The following CDH12 variants were observed in gnomAD, a reference collection of about 807,000 sequenced individuals.
The protein encoded by CDH12 is cadherin 12, also known as cadherin-12.
A neutral mutation model predicts 74.1 loss-of-function variants in CDH12; 41 were observed. The observed-to-expected ratio is 0.55, with a 90% CI of 0.43 to 0.72. The LOEUF is 0.72. CDH12 is among the 30% of genes least tolerant of loss of function. CDH12 has a pLI of 0.00. For synonymous variants in CDH12, 399 were observed against 355.0 expected (o/e 1.12, Z -1.39); for missense variants, 945 against 977.2 (o/e 0.97, Z 0.44).
intron 1 of CDH12, among the ~76,000 whole-genome samples, chr5:22,611,793 T>A (rs1375279375): frequency 1.3e-5 from 2 of 151,984 alleles, no homozygotes; most frequent in East Asian, 3.9e-4. Flanking sequence ...CAGAGTGCAG[T>A]TGGTTTAGCT....
intron 5 of CDH12, among the ~76,000 whole-genome samples, chr5:22,054,466 T>C (rs1046534131): frequency 2.6e-5 from 4 of 152,144 alleles, no homozygotes; most frequent in African/African-American, 9.7e-5. Context: ...TCAGGCTTTT[T>C]CTTAGTTCTT....
At chr5:22,761,464 A>G (rs1330176217) in intron 1 of CDH12, among the ~76,000 whole-genome samples, 1 of 152,168 alleles carries the variant, frequency 6.6e-6, no homozygotes, top group East Asian at 1.9e-4. Flanking sequence ...TTTCATAATC[A>G]CAAGTAAATG....
chr5:22,686,711 G>C (rs1027283049), intron 1 of CDH12, among the ~76,000 whole-genome samples: 1 of 152,088 alleles, frequency 6.6e-6, no homozygotes, highest in Non-Finnish European at 1.5e-5. Flanking sequence ...AAAGTGCCTC[G>C]TTCACTGAGT....
chr5:22,544,352 C>T (rs1316022646), intron 1 of CDH12, among the ~76,000 whole-genome samples: 1 of 152,046 alleles, frequency 6.6e-6, no homozygotes, highest in Non-Finnish European at 1.5e-5. Context: ...ATTATTTGTC[C>T]ACTAACTTCA....
chr5:21,950,765 TATTATTA>T (rs1755819766), intron 6 of CDH12, among the ~76,000 whole-genome samples: 1 of 89,822 alleles, frequency 1.1e-5, no homozygotes, highest in Non-Finnish European at 2.0e-5. Flanking sequence ...ATTTTATTAT[TATTATTA>T]TTATTATTAT....
At chr5:22,000,850 G>A (rs987525534) in intron 5 of CDH12, among the ~76,000 whole-genome samples, 27 of 151,388 alleles carry the variant, frequency 1.8e-4, no homozygotes, top group Admixed American at 1.6e-3. Flanking sequence ...TATTCAGCTC[G>A]AAAAAAAGCC....
chr5:21,989,701 A>T (rs1757667977), intron 5 of CDH12, among the ~76,000 whole-genome samples: 1 of 152,234 alleles, frequency 6.6e-6, no homozygotes, highest in Non-Finnish European at 1.5e-5. Flanking sequence ...ACTTTAACAC[A>T]TTATGTTTAA....
intron 2 of CDH12, among the ~76,000 whole-genome samples, chr5:22,419,305 C>T (rs76807796): frequency 2.2e-3 from 333 of 152,204 alleles, no homozygotes; most frequent in African/African-American, 7.7e-3. Flanking sequence ...GATCTCCCTT[C>T]CCCTGCACCC....
chr5:22,577,776 G>A (rs1739867043), intron 1 of CDH12, among the ~76,000 whole-genome samples: 1 of 151,724 alleles, frequency 6.6e-6, no homozygotes, highest in Non-Finnish European at 1.5e-5. Context: ...CTATTGTTCA[G>A]CAGCATCTAC....
chr5:22,775,018 A>G (rs984755723), intron 1 of CDH12, among the ~76,000 whole-genome samples: 2 of 151,350 alleles, frequency 1.3e-5, no homozygotes, highest in Non-Finnish European at 2.9e-5. Context: ...AATGTTTTAT[A>G]TATTTATATA....
chr5:22,139,941 A>G (rs1034795146), intron 4 of CDH12, among the ~76,000 whole-genome samples: 6 of 152,138 alleles, frequency 3.9e-5, no homozygotes, highest in African/African-American at 1.2e-4. Context: ...CTTTCCTGCC[A>G]GTTCATCATG....
chr5:22,820,743 T>C (rs1038992491), intron 1 of CDH12, among the ~76,000 whole-genome samples: 1 of 152,082 alleles, frequency 6.6e-6, no homozygotes, highest in Non-Finnish European at 1.5e-5. Flanking sequence ...CAATAATCAA[T>C]AACTTACCAA....
chr5:21,925,332 G>C (rs992284977), intron 6 of CDH12, among the ~76,000 whole-genome samples: 1 of 152,136 alleles, frequency 6.6e-6, no homozygotes, highest in East Asian at 1.9e-4. Context: ...ATTTGACTAA[G>C]TGGACCCTTC....
rs1401385337 is a variant in CDH12 at position 22,030,411 on chromosome 5, G to A, written c.231+48035C>T. Among the ~76,000 whole-genome samples the A allele has an allele frequency of 3.3e-5, 5 of 152,114 alleles. No individual in the cohort carries two copies. The South Asian group carries it at 1.0e-3, about 32-fold the overall frequency. ...AATCTCCTTGAATACCTTTATCAGA[G>A]CTCTTGGGTGACCAGGTGCATTGTG... On this transcript the variant is annotated intron_variant, in intron 5 of 14. Transcript: ENST00000382254.
intron 1 of CDH12, among the ~76,000 whole-genome samples, chr5:22,671,333 C>G (rs1217795248): frequency 6.6e-6 from 1 of 152,116 alleles, no homozygotes; most frequent in Admixed American, 6.6e-5. Flanking sequence ...CTGTATTGCA[C>G]TATGCTGAAC....
chr5:22,074,331 T>A (rs10038946), intron 5 of CDH12, among the ~76,000 whole-genome samples: 2 of 151,940 alleles, frequency 1.3e-5, no homozygotes, highest in Admixed American at 1.3e-4. Context: ...ATTAAAGACT[T>A]AAATGTTAGA....
At chr5:22,544,274 AT>A (rs1738223316) in intron 1 of CDH12, among the ~76,000 whole-genome samples, 1 of 152,148 alleles carries the variant, frequency 6.6e-6, no homozygotes, top group South Asian at 2.1e-4. Context: ...TTACAATCTG[AT>A]GAAAAATTAA....
Position 22,538,922 on chromosome 5 carries a change from G to T in CDH12, c.-522-33558C>A, listed in dbSNP as rs1737980514. On this transcript the variant is annotated intron_variant, in intron 1 of 14. Coordinates refer to ENST00000382254, the MANE Select transcript of CDH12 (RefSeq NM_004061.5). ...TACTTAATTTCTCTTTAGAGACAGGGTCTGATTTTGTTGCCCAGGCTGTGT... is the reference window on the plus strand; with the variant it reads ...TACTTAATTTCTCTTTAGAGACAGGTTCTGATTTTGTTGCCCAGGCTGTGT... Among the ~76,000 whole-genome samples the T allele has an allele frequency of 2.6e-5, 4 of 152,134 alleles. No homozygotes were observed. In the South Asian group the frequency reaches 8.3e-4, roughly 32 times the overall value.
intron 3 of CDH12, among the ~76,000 whole-genome samples, chr5:22,396,402 G>A (rs1334359111): frequency 1.3e-5 from 2 of 152,040 alleles, no homozygotes; most frequent in Admixed American, 6.6e-5. Flanking sequence ...GGGTTTTTGA[G>A]AAAAGAAAAG....
Sources: gnomAD v4.1 joint callset for allele counts (sites outside exome capture counted in the v4.1 genomes callset) on GRCh38, gnomAD v4.1.1 for gene constraint, MANE v1.5 for transcripts, NCBI Gene and HGNC (gene_info 2026-07-23, HGNC 2026-07-21) for gene names.